FAM13A: variants seen among roughly 807,000 people sequenced by gnomAD.
The protein encoded by FAM13A is family with sequence similarity 13 member A.
A neutral mutation model predicts 129.6 loss-of-function variants in FAM13A; 76 were observed. That is an observed-to-expected ratio of 0.59 (90% CI 0.49 to 0.71). The LOEUF is 0.71. FAM13A is among the 30% of genes least tolerant of loss of function. The pLI is 0.00. For missense variants in FAM13A, 1,108 were observed against 1,249.3 expected (o/e 0.89, Z 1.70); for synonymous variants, 443 against 449.9 (o/e 0.98, Z 0.20).
chr4:89,004,889 T>C (rs573567280), intron 3 of FAM13A, among the ~76,000 whole-genome samples: 1 of 152,218 alleles, frequency 6.6e-6, no homozygotes, highest in East Asian at 1.9e-4. Context: ...CTCTGAAAGT[T>C]TTCTAAGCTT....
At chr4:88,926,693 T>C (rs1752237782) in intron 5 of FAM13A, among the ~76,000 whole-genome samples, 1 of 152,188 alleles carries the variant, frequency 6.6e-6, no homozygotes, top group African/African-American at 2.4e-5. Flanking sequence ...GCAATCTAAA[T>C]TGTAAATATA....
intron 5 of FAM13A, among the ~76,000 whole-genome samples, chr4:88,925,054 A>C (rs1399662047): frequency 6.7e-6 from 1 of 149,898 alleles, no homozygotes; most frequent in East Asian, 2.0e-4. Context: ...GTCAGGAAAC[A>C]ACAGGTGCTG....
intron 7 of FAM13A, chr4:88,823,376 C>T: frequency 4.1e-6 from 4 of 976,448 alleles, no homozygotes; most frequent in Non-Finnish European, 5.0e-6. Flanking sequence ...CCTCCTCCTC[C>T]TCTTCCTCCT....
intron 5 of FAM13A, among the ~76,000 whole-genome samples, chr4:88,907,501 A>T (rs1351001161): frequency 6.6e-6 from 1 of 152,372 alleles, no homozygotes; most frequent in African/African-American, 2.4e-5. Flanking sequence ...TTATTAGGAT[A>T]AAATGTCCCT....
At chr4:89,003,070 A>G (rs1390778467) in intron 3 of FAM13A, among the ~76,000 whole-genome samples, 1 of 152,056 alleles carries the variant, frequency 6.6e-6, no homozygotes, top group African/African-American at 2.4e-5. Context: ...GATGGAACCC[A>G]TGGAATGTTT....
chr4:88,783,479 A>G (rs2149632315), intron 10 of FAM13A, among the ~76,000 whole-genome samples: 1 of 152,122 alleles, frequency 6.6e-6, no homozygotes, highest in Admixed American at 6.5e-5. Context: ...TTGTATTTTT[A>G]GTAGAGATGG....
chr4:88,954,077 T>TA (rs1757359657), intron 4 of FAM13A, among the ~76,000 whole-genome samples: 1 of 152,216 alleles, frequency 6.6e-6, no homozygotes, highest in South Asian at 2.1e-4. Context: ...AATAAATTGT[T>TA]AGACTCCATG....
At chr4:88,951,729 C>A (rs1202471000) in intron 4 of FAM13A, among the ~76,000 whole-genome samples, 6 of 152,132 alleles carry the variant, frequency 3.9e-5, no homozygotes, top group African/African-American at 1.4e-4. Flanking sequence ...TCCTCTCTCC[C>A]ATCAAAATCA....
At chr4:88,737,240 G>T (rs762083195) in intron 21 of FAM13A, among the ~76,000 whole-genome samples, 3 of 152,070 alleles carry the variant, frequency 2.0e-5, no homozygotes, top group Non-Finnish European at 4.4e-5. Context: ...ACAAAAAAGA[G>T]GGGGGGAATA....
At chr4:88,766,792 G>A (rs529884558) in intron 13 of FAM13A, among the ~76,000 whole-genome samples, 3 of 152,258 alleles carry the variant, frequency 2.0e-5, no homozygotes, top group African/African-American at 7.2e-5. Context: ...GGGTTAGAGG[G>A]AACGTTCTCT....
intron 7 of FAM13A, among the ~76,000 whole-genome samples, chr4:88,820,511 A>G (rs2149826134): frequency 6.6e-6 from 1 of 152,348 alleles, no homozygotes; most frequent in Middle Eastern, 3.4e-3. Context: ...ACAATTTAGG[A>G]AATGAAAGCA....
chr4:88,767,214 C>T (rs929022306), intron 13 of FAM13A, among the ~76,000 whole-genome samples: 1 of 152,120 alleles, frequency 6.6e-6, no homozygotes, highest in Admixed American at 6.5e-5. Context: ...GACTCACTAC[C>T]TATATATTTC....
chr4:88,986,926 A>G (rs951013631), intron 4 of FAM13A, among the ~76,000 whole-genome samples: 4 of 152,184 alleles, frequency 2.6e-5, no homozygotes, highest in African/African-American at 7.2e-5. Flanking sequence ...TTGCTCTAGA[A>G]GTCATTAAGA....
intron 4 of FAM13A, among the ~76,000 whole-genome samples, chr4:88,965,227 G>C (rs555363788): frequency 2.5e-4 from 38 of 152,292 alleles, no homozygotes; most frequent in Middle Eastern, 6.8e-3. Context: ...CTGAGAGAGA[G>C]ACATAGAAAG....
intron 7 of FAM13A, among the ~76,000 whole-genome samples, chr4:88,841,339 CA>C (rs1195296923): frequency 1.6e-4 from 24 of 151,712 alleles, no homozygotes; most frequent in African/African-American, 5.8e-4. Flanking sequence ...ACTAGAAATA[CA>C]AAAATTAGCC....
chr4:88,957,413 C>T (rs1328365540), intron 4 of FAM13A, among the ~76,000 whole-genome samples: 1 of 152,198 alleles, frequency 6.6e-6, no homozygotes, highest in East Asian at 1.9e-4. Flanking sequence ...CCTGAGGCTT[C>T]CCTAGAAGCT....
intron 4 of FAM13A, among the ~76,000 whole-genome samples, chr4:88,968,865 A>T (rs753612758): frequency 4.6e-5 from 7 of 152,170 alleles, no homozygotes; most frequent in Non-Finnish European, 1.0e-4. Flanking sequence ...AATGCCTATA[A>T]CGCTGTTAGG....
At chr4:88,854,144 T>A (rs1264492902) in intron 6 of FAM13A, among the ~76,000 whole-genome samples, 1 of 152,180 alleles carries the variant, frequency 6.6e-6, no homozygotes, top group Non-Finnish European at 1.5e-5. Context: ...TAAACATCTA[T>A]CCTATTAGTT....
chr4:88,980,849 T>C (rs1290024125), intron 4 of FAM13A, among the ~76,000 whole-genome samples: 1 of 152,206 alleles, frequency 6.6e-6, no homozygotes, highest in East Asian at 1.9e-4. Flanking sequence ...TCTACAAATT[T>C]AGCTGATATC....
Sources: gnomAD v4.1 joint callset for allele counts (sites outside exome capture counted in the v4.1 genomes callset) on GRCh38, gnomAD v4.1.1 for gene constraint, MANE v1.5 for transcripts, NCBI Gene and HGNC (gene_info 2026-07-23, HGNC 2026-07-21) for gene names.